ZBTB37: variants seen among roughly 807,000 people sequenced by gnomAD.
ZBTB37 encodes the protein zinc finger and BTB domain containing 37, also known as zinc finger and BTB domain-containing protein 37.
Under a neutral mutation model 37.7 loss-of-function variants are expected in ZBTB37, and 15 were observed. That is an observed-to-expected ratio of 0.40 (90% CI 0.27 to 0.61). ZBTB37 has a LOEUF of 0.61. Ranked by LOEUF, ZBTB37 falls within the 20% of genes least tolerant of loss-of-function variation. ZBTB37 has a pLI of 0.44. For synonymous variants in ZBTB37, 231 were observed against 220.6 expected, an observed-to-expected ratio of 1.05 and a Z score of -0.42; for missense variants, 514 against 641.9, an observed-to-expected ratio of 0.80 and a Z score of 2.15.
At chr1:173,895,549 G>A (rs948971049) in exon 4 of ZBTB37, 8 of 152,128 alleles carry the variant, frequency 5.3e-5, no homozygotes. Context: ...TGGCTACATG[G>A]ATCATATTCT....
At chr1:173,881,673 T>A (rs1042319954) in intron 4 of ZBTB37, among the ~76,000 whole-genome samples, 2 of 152,194 alleles carry the variant, frequency 1.3e-5, no homozygotes, top group Non-Finnish European at 2.9e-5. Flanking sequence ...GGTATCTCAT[T>A]GTGGTTTTGA....
At chr1:173,882,171 C>T (rs973362408) in intron 4 of ZBTB37, among the ~76,000 whole-genome samples, 1 of 150,604 alleles carries the variant, frequency 6.6e-6, no homozygotes, top group Non-Finnish European at 1.5e-5. Context: ...AGCCCTTTGT[C>T]GGATGGGTAG....
exon 4 of ZBTB37, chr1:173,898,288 C>G (rs564492152): frequency 6.6e-6 from 1 of 151,926 alleles, no homozygotes; most frequent in Admixed American, 6.6e-5. Context: ...TTGTGAAACC[C>G]CGTCTCTACT....
downstream of ZBTB37, chr1:173,887,760 A>G (rs1422056697): frequency 6.6e-6 from 1 of 152,248 alleles, no homozygotes; most frequent in Admixed American, 6.5e-5. Context: ...GTGCAGAGGC[A>G]TAGATGACTG....
intron 3 of ZBTB37, among the ~76,000 whole-genome samples, chr1:173,871,695 T>C (rs1031888844): frequency 1.3e-5 from 2 of 152,240 alleles, no homozygotes; most frequent in African/African-American, 4.8e-5. Context: ...TTTTCCCTTG[T>C]CACGTGATGG....
exon 4 of ZBTB37, chr1:173,896,906 T>C (rs1045276271): frequency 6.6e-6 from 1 of 152,238 alleles, no homozygotes; most frequent in Admixed American, 6.5e-5. Flanking sequence ...ACTAATAGTG[T>C]GACTGAAGTC....
At chr1:173,873,170 T>G (rs887527790) in intron 3 of ZBTB37, among the ~76,000 whole-genome samples, 5 of 152,178 alleles carry the variant, frequency 3.3e-5, no homozygotes, top group Admixed American at 6.5e-5. Context: ...CCGTTTTAAT[T>G]TATTCTTTTA....
intron 4 of ZBTB37, among the ~76,000 whole-genome samples, chr1:173,883,341 A>G (rs1372730052): frequency 1.3e-5 from 2 of 152,122 alleles, no homozygotes; most frequent in Admixed American, 6.6e-5. Context: ...TTAGCCAGGC[A>G]TGGTGGTGCG....
chr1:173,873,634 T>A, intron 4 of ZBTB37, 68 bp downstream of exon 4: 2 of 1,586,552 alleles, frequency 1.3e-6, no homozygotes, highest in Admixed American at 1.8e-5. Flanking sequence ...GAATAGAAAA[T>A]AATGAAAAAG....
exon 4 of ZBTB37, chr1:173,894,255 AT>A (rs1291606038): frequency 6.6e-6 from 1 of 152,220 alleles, no homozygotes; most frequent in Admixed American, 6.5e-5. Context: ...CTTAATTAAA[AT>A]TAAGTAATTT....
At chr1:173,903,235 C>T (rs1657337818) in exon 4 of ZBTB37, 1 of 152,752 alleles carries the variant, frequency 6.5e-6, no homozygotes, top group Non-Finnish European at 1.5e-5. Context: ...CCCCAGGACC[C>T]CTGTCGTGTC....
At chr1:173,881,216 G>A (rs1291198442) in intron 4 of ZBTB37, among the ~76,000 whole-genome samples, 6 of 151,586 alleles carry the variant, frequency 4.0e-5, no homozygotes, top group East Asian at 1.9e-4. Flanking sequence ...TTGGTTTTCC[G>A]TCCTTGTGAT....
exon 4 of ZBTB37, chr1:173,899,578 T>C (rs1657181340): frequency 6.6e-6 from 1 of 152,214 alleles, no homozygotes; most frequent in African/African-American, 2.4e-5. Flanking sequence ...ACAGGACTAG[T>C]TGACCCAGTT....
At chr1:173,873,444 C>T (rs1170962048) in intron 3 of ZBTB37, 23 bp from the exon 4 acceptor site, 2 of 1,588,902 alleles carry the variant, frequency 1.3e-6, no homozygotes, top group Admixed American at 3.6e-5. Flanking sequence ...GTATTAGTCC[C>T]CTTTATGTTC....
At chr1:173,887,583 T>A (rs951640362), downstream of ZBTB37, 2 of 152,174 alleles carry the variant, frequency 1.3e-5, no homozygotes, top group Non-Finnish European at 2.9e-5. Flanking sequence ...ATGTAGAGCT[T>A]TGGATACCCC....
chr1:173,872,151 C>T (rs1655610566), intron 3 of ZBTB37, among the ~76,000 whole-genome samples: 1 of 152,116 alleles, frequency 6.6e-6, no homozygotes, highest in Non-Finnish European at 1.5e-5. Context: ...TCACTGCAAG[C>T]TCTGCCTCCC....
Position 173,885,914 on chromosome 1 carries a change from T to TG in ZBTB37, c.1304dup (p.Lys436GlnfsTer32). 6.4e-7 allele frequency: 1 copy of TG among 1,551,870 alleles called. No individual in the cohort carries two copies. Among genetic ancestry groups the TG allele is most frequent in the Non-Finnish European group, 8.7e-7 (1 of 1,147,026 alleles). On this transcript the variant is annotated frameshift_variant, in exon 5 of 5. Transcript: ENST00000427304. LOFTEE classifies it high-confidence loss of function. The stretch of plus-strand genomic sequence containing the variant: ...ACAAGCCCTTTCACTGTCATGTCTG[T>TG]GGCAAAAGTTTCCCCTTCCAGGCCA...
exon 5 of ZBTB37, chr1:173,885,860 G>A (rs1372958477): frequency 2.6e-6 from 4 of 1,551,842 alleles, no homozygotes; most frequent in East Asian, 2.4e-5. Flanking sequence ...AAGATCAGCT[G>A]GAGTATCATA....
intron 4 of ZBTB37, among the ~76,000 whole-genome samples, chr1:173,879,769 T>TGG (rs1656195587): frequency 6.6e-6 from 1 of 152,144 alleles, no homozygotes; most frequent in South Asian, 2.1e-4. Context: ...CTGGCCAACA[T>TGG]GGTGAAACCC....
Sources: allele counts gnomAD v4.1 joint callset (sites outside exome capture counted in the v4.1 genomes callset), GRCh38; gene constraint gnomAD v4.1.1; transcripts MANE v1.5; gene names NCBI Gene and HGNC (gene_info 2026-07-23, HGNC 2026-07-21).